The following PODN variants were observed in gnomAD, a reference collection of about 807,000 sequenced individuals.
PODN encodes podocan.
PODN carries 40 observed loss-of-function variants against 52.7 expected under a neutral mutation model. The ratio of observed to expected loss-of-function variants is 0.76; its 90% CI spans 0.59 to 0.99. The LOEUF is 0.99. Ranked by LOEUF, PODN falls within the 50% of genes least tolerant of loss-of-function variation. PODN has a pLI of 0.00. For missense variants in PODN, 720 were observed against 815.1 expected (o/e 0.88, Z 1.42); for synonymous variants, 396 against 377.9 (o/e 1.05, Z -0.56).
chr1:53,071,862 T>G (rs1017774014), intron 3 of PODN, among the ~76,000 whole-genome samples: 1 of 151,952 alleles, frequency 6.6e-6, no homozygotes, highest in East Asian at 1.9e-4. Flanking sequence ...TTTTTTTTTT[T>G]GACATAGTCA....
intron 4 of PODN, among the ~76,000 whole-genome samples, chr1:53,075,256 T>C (rs886122912): frequency 8.5e-5 from 13 of 152,152 alleles, no homozygotes; most frequent in African/African-American, 3.1e-4. Flanking sequence ...CCTTGACATT[T>C]CCCCTAGACA....
At chr1:53,067,800 C>T (rs1031976003) in intron 1 of PODN, among the ~76,000 whole-genome samples, 2 of 151,846 alleles carry the variant, frequency 1.3e-5, no homozygotes, top group South Asian at 2.1e-4. Context: ...CCTATAGTCC[C>T]AGTTGCTTGA....
rs368759459 is a variant in PODN, at chr1:53,079,010, C to T, written c.1500C>T (p.Leu500=). 6.4e-4 allele frequency: 990 copies of T among 1,550,936 alleles called. 2 individuals carry two copies. The highest frequency in any genetic ancestry group is 1.8e-3 in the Middle Eastern group (8 of 4,386). Reference sequence around the variant, plus strand: ...TGGGCCCCCGTGCCTGGGTGGACCTCGCCCATCTGCAGGTAAGCGGAAGGG... The same window carrying T: ...TGGGCCCCCGTGCCTGGGTGGACCTTGCCCATCTGCAGGTAAGCGGAAGGG... ...RALGPRAWVD[L]AHLQLLDIAG... The change falls in exon 8 of 11, where the codon CTC becomes CTT. Residue 500 remains leucine, a synonymous_variant. Transcript: ENST00000312553.
chr1:53,071,348 C>T (rs1644113931), intron 2 of PODN, 187 bp from the exon 3 acceptor site: 1 of 591,424 alleles, frequency 1.7e-6, no homozygotes. Flanking sequence ...CACTGCTGTG[C>T]CCCAGAGCCC....
chr1:53,063,606 G>A, intron 1 of PODN: 1 of 984,304 alleles, frequency 1.0e-6, no homozygotes, highest in Non-Finnish European at 1.2e-6. Context: ...AAAGACCAGG[G>A]GGGACTGCTC....
chr1:53,068,414 AT>A (rs1280097770), intron 1 of PODN, among the ~76,000 whole-genome samples: 36 of 152,176 alleles, frequency 2.4e-4, no homozygotes, highest in African/African-American at 8.7e-4. Context: ...TCAGGAGTGA[AT>A]GTCCCCCGTG....
Position 53,080,732 on chromosome 1 carries a change from T to G in PODN, c.1517T>G (p.Leu506Arg), listed in dbSNP as rs1172922149. ...CTCCCTTGGTCACCCCTGCAGCTGCTGGACATCGCCGGGAATCAGCTCACA... is the reference window on the plus strand; with the variant it reads ...CTCCCTTGGTCACCCCTGCAGCTGCGGGACATCGCCGGGAATCAGCTCACA... ...AWVDLAHLQL[L>R]DIAGNQLTEI... is the part of the protein sequence containing the mutation. The change falls in exon 9 of 11, where the codon CTG (leucine) becomes CGG (arginine). Residue 506 changes from leucine to arginine, a missense_variant. Physicochemically the swap from Leu to Arg is moderately radical, Grantham distance 102 (BLOSUM62 -2). Transcript: ENST00000312553. The G allele has an allele frequency of 1.2e-6, 2 of 1,613,772 alleles. No homozygotes were observed. Among genetic ancestry groups the G allele is most frequent in the African/African-American group, 2.7e-5 (2 of 74,942 alleles).
rs1253485481 is a variant in PODN at position 53,082,259 on chromosome 1, GT to G, written c.*27+72del. Reference sequence around the variant, plus strand: ...TTCCCCTTCCTGACCCTGGTAGAGGGTCTTTCTGTCCATTCTTCACCCTCTC... The same window carrying G: ...TTCCCCTTCCTGACCCTGGTAGAGGGCTTTCTGTCCATTCTTCACCCTCTC... On this transcript the variant is annotated intron_variant, in intron 10 of 10. Coordinates refer to ENST00000312553, the MANE Select transcript of PODN (RefSeq NM_153703.5). 2.8e-6 allele frequency: 4 copies of G among 1,403,552 alleles called. No individual in the cohort carries two copies. In the Admixed American group the frequency reaches 1.2e-4, roughly 42 times the overall value. The allele number at this position is 1,403,552 out of a possible 1,614,324, so 86.9% of individuals were successfully genotyped here.
intron 1 of PODN, among the ~76,000 whole-genome samples, chr1:53,068,862 AC>A (rs1236615305): frequency 1.3e-5 from 2 of 151,862 alleles, no homozygotes; most frequent in African/African-American, 4.8e-5. Context: ...CATCCCCTGT[AC>A]CCCATCCTTG....
At chr1:53,072,432 A>G (rs1395966709) in intron 3 of PODN, among the ~76,000 whole-genome samples, 3 of 152,216 alleles carry the variant, frequency 2.0e-5, no homozygotes, top group Admixed American at 6.5e-5. Flanking sequence ...TATTCCATGC[A>G]CTTTTGGACA....
At chr1:53,082,288 C>A in intron 10 of PODN, 100 bp downstream of exon 10, 1 of 1,368,180 alleles carries the variant, frequency 7.3e-7, no homozygotes, top group Middle Eastern at 2.7e-4. Flanking sequence ...ACCCTCTCGC[C>A]TCTGCTTCAT....
chr1:53,074,848 G>A (rs1446567604), intron 4 of PODN, among the ~76,000 whole-genome samples, 178 bp downstream of exon 4: 1 of 152,090 alleles, frequency 6.6e-6, no homozygotes, highest in Non-Finnish European at 1.5e-5. Flanking sequence ...TATAACTCAG[G>A]GCATCAGAGT....
chr1:53,077,263 G>C lies in PODN; in HGVS notation c.655G>C (p.Val219Leu). ...CAACATGTTCAACGGCTCCAGCAAC[G>C]TCGAGGTCCTCATCCTGTCCAGCAA... The part of the protein sequence containing the change: ...PDNMFNGSSN[V>L]EVLILSSNFL... Residue 219 changes from valine to leucine, a missense_variant, in exon 6 of 11, where the codon GTC becomes CTC. Coordinates refer to ENST00000312553, the MANE Select transcript of PODN (RefSeq NM_153703.5). 1 of 1,613,462 alleles carries C rather than the reference G, an allele frequency of 6.2e-7. No homozygotes were observed. Among genetic ancestry groups the C allele is most frequent in the Non-Finnish European group, 8.5e-7 (1 of 1,180,026 alleles).
intron 1 of PODN, chr1:53,063,401 C>A (rs1026149564): frequency 2.0e-6 from 2 of 985,740 alleles, no homozygotes; most frequent in Non-Finnish European, 2.4e-6. Context: ...CCCTGCTCCA[C>A]GAGGCGCCAC....
At chr1:53,071,754 G>A in intron 3 of PODN, 126 bp downstream of exon 3, 1 of 921,388 alleles carries the variant, frequency 1.1e-6, no homozygotes, top group Non-Finnish European at 1.6e-6. Flanking sequence ...AAGAGAGCAG[G>A]CCCGGGCCAG....
At position 53,075,953 on chromosome 1, in the gene PODN, G is replaced by T. The variant is rs1644188196; in HGVS notation, c.563G>T (p.Gly188Val). 4 of 1,594,878 alleles carry T rather than the reference G, an allele frequency of 2.5e-6. No individual in the cohort carries two copies. The highest frequency in any genetic ancestry group is 2.6e-6 in the Non-Finnish European group (3 of 1,168,770). The change falls in exon 5 of 11, where the codon GGC becomes GTC. Residue 188 changes from glycine to valine, a missense_variant. Physicochemically the swap from Gly to Val is moderately radical, Grantham distance 109. Coordinates refer to ENST00000312553, the MANE Select transcript of PODN (RefSeq NM_153703.5). ...YLTKIYGLTF[G>V]QKPNLRSVYL... ...ACCAAGATCTATGGGCTCACCTTTG[G>T]CCAGAAGCCAAACTTGAGGTCAGAG...
chr1:53,072,214 A>C (rs1366436586), intron 3 of PODN, among the ~76,000 whole-genome samples: 1 of 152,178 alleles, frequency 6.6e-6, no homozygotes, highest in Non-Finnish European at 1.5e-5. Flanking sequence ...ATTCTATTTC[A>C]AGATGACATT....
At chr1:53,072,393 G>A (rs915883303) in intron 3 of PODN, among the ~76,000 whole-genome samples, 4 of 152,198 alleles carry the variant, frequency 2.6e-5, no homozygotes, top group African/African-American at 9.6e-5. Flanking sequence ...CACGTAGATA[G>A]TATCAGTTGT....
chr1:53,062,331 G>T (rs1557643752), intron 1 of PODN, 23 bp downstream of exon 1: 3 of 1,242,142 alleles, frequency 2.4e-6, no homozygotes, highest in Non-Finnish European at 3.0e-6. Flanking sequence ...GGCAGCCGGG[G>T]TGGGCCGAGG....
Sources: allele counts gnomAD v4.1 joint callset (sites outside exome capture counted in the v4.1 genomes callset), GRCh38; gene constraint gnomAD v4.1.1; transcripts MANE v1.5; gene names NCBI Gene and HGNC (gene_info 2026-07-23, HGNC 2026-07-21).